PDK1: variants seen among roughly 807,000 people sequenced by gnomAD.
PDK1 encodes the protein pyruvate dehydrogenase kinase 1, also known as [Pyruvate dehydrogenase (acetyl-transferring)] kinase isozyme 1, mitochondrial.
PDK1 carries 39 observed loss-of-function variants against 54.2 expected under a neutral mutation model. The ratio of observed to expected loss-of-function variants is 0.72; its 90% CI spans 0.56 to 0.94. The LOEUF is 0.94. Among genes scored for constraint, PDK1 ranks in the 40% least tolerant of loss-of-function variants. PDK1 has a pLI of 0.00. For missense variants in PDK1, 552 were observed against 566.0 expected (o/e 0.98, Z 0.25); for synonymous variants, 221 against 207.1 (o/e 1.07, Z -0.58).
chr2:172,618,455 G>T, the PDK1 span, among the ~76,000 whole-genome samples: 3 of 152,184 alleles, frequency 2.0e-5, no homozygotes, highest in Non-Finnish European at 2.9e-5. Context: ...TTCCTACTTT[G>T]CTTCACTTTA....
At chr2:172,611,065 C>T (rs1691445532), downstream of PDK1, among the ~76,000 whole-genome samples, 1 of 152,070 alleles carries the variant, frequency 6.6e-6, no homozygotes, top group South Asian at 2.1e-4. Flanking sequence ...TTGTGTGGAT[C>T]TTGGGGTTTT....
the PDK1 span, among the ~76,000 whole-genome samples, chr2:172,663,568 C>T: frequency 6.6e-6 from 1 of 151,678 alleles, no homozygotes; most frequent in Admixed American, 6.6e-5. Context: ...CTCCCAGGCT[C>T]AAGCGATCCT....
the PDK1 span, chr2:172,691,180 A>G: frequency 5.3e-5 from 8 of 150,136 alleles, no homozygotes; most frequent in Non-Finnish European, 8.9e-5. Flanking sequence ...AGGGATTTCC[A>G]ATATGCTTTC....
chr2:172,653,024 G>A, the PDK1 span, among the ~76,000 whole-genome samples: 1 of 152,120 alleles, frequency 6.6e-6, no homozygotes, highest in East Asian at 1.9e-4. Context: ...ACAATCCTAA[G>A]CCAAAAGAAC....
Position 172,568,107 on chromosome 2 carries a change from G to C in PDK1, c.770-634G>C, listed in dbSNP as rs142034088. 2.1e-3 allele frequency among the ~76,000 whole-genome samples: 319 copies of C among 152,162 alleles called. 1 individual carries two copies. Among genetic ancestry groups the C allele is most frequent in the African/African-American group, 7.3e-3 (303 of 41,524 alleles). ...CCAGCACTTTGGGAGGCCGAGGCGG[G>C]TGGCTCACAAGGTCAGGAGTTCGAG... On this transcript the variant is annotated intron_variant, in intron 6 of 10. Transcript: ENST00000282077.
intron 3 of PDK1, among the ~76,000 whole-genome samples, chr2:172,562,539 T>G (rs1288787560): frequency 6.6e-6 from 1 of 152,254 alleles, no homozygotes; most frequent in Non-Finnish European, 1.5e-5. Flanking sequence ...CAGTGCCAGT[T>G]GGACTGTTCA....
the PDK1 span, among the ~76,000 whole-genome samples, chr2:172,682,266 G>A: frequency 1.2e-4 from 18 of 152,364 alleles, no homozygotes; most frequent in East Asian, 3.5e-3. Context: ...AGAGCAGGGG[G>A]AGAATAGGAG....
chr2:172,621,008 G>A, the PDK1 span, among the ~76,000 whole-genome samples: 10 of 152,160 alleles, frequency 6.6e-5, no homozygotes, highest in Non-Finnish European at 1.3e-4. Flanking sequence ...GGCTGGGCAC[G>A]GTGGCTCACT....
At chr2:172,566,730 T>A in intron 5 of PDK1, 126 bp from the exon 6 acceptor site, 16 of 354,536 alleles carry the variant, frequency 4.5e-5, no homozygotes, top group Non-Finnish European at 6.1e-5. Context: ...TTCACCAAAC[T>A]ATCAAAGTAT....
At chr2:172,581,677 G>A (rs1249570528) in intron 8 of PDK1, among the ~76,000 whole-genome samples, 7 of 152,034 alleles carry the variant, frequency 4.6e-5, no homozygotes, top group Admixed American at 3.9e-4. Context: ...TTCTTCAGTC[G>A]AGCTTTGATC....
At position 172,608,068 on chromosome 2, in the gene PDK1, C is replaced by T. The variant is rs1277405193; in HGVS notation, c.*12099C>T. ...GTTAATACTTGACTGACATTGAGAC[C>T]CTTGATGCAAAAAGGTAAGTAGAAG... On this transcript the variant is annotated 3_prime_UTR_variant, in exon 11 of 11. Coordinates refer to ENST00000282077, the MANE Select transcript of PDK1 (RefSeq NM_002610.5). 4 of 151,712 alleles carry T rather than the reference C, an allele frequency of 2.6e-5. No homozygotes were observed. Among genetic ancestry groups the T allele is most frequent in the African/African-American group, 9.7e-5 (4 of 41,298 alleles). 9.4% of individuals were successfully genotyped at this position (151,712 alleles called of 1,614,324 possible). A position where few individuals can be genotyped will look rare whatever the true frequency, so the allele number is the denominator to read the frequency against.
intron 9 of PDK1, 143 bp downstream of exon 9, chr2:172,586,531 T>C: frequency 5.7e-6 from 3 of 523,380 alleles, no homozygotes; most frequent in South Asian, 5.1e-5. Flanking sequence ...TTCCCCTAAA[T>C]TTAAACAGCC....
the PDK1 span, among the ~76,000 whole-genome samples, chr2:172,671,645 A>G: frequency 6.6e-6 from 1 of 151,804 alleles, no homozygotes; most frequent in Non-Finnish European, 1.5e-5. Flanking sequence ...ACTATTCTTG[A>G]TATAGCACAC....
At chr2:172,702,085 A>G in the PDK1 span, among the ~76,000 whole-genome samples, 1 of 152,188 alleles carries the variant, frequency 6.6e-6, no homozygotes, top group Non-Finnish European at 1.5e-5. Context: ...ATACAAGTGA[A>G]TTTGATTTAA....
In PDK1 at chr2:172,604,793, T is replaced by C. The variant is rs1211409592; in HGVS notation, c.*8824T>C. On this transcript the variant is annotated 3_prime_UTR_variant, in exon 11 of 11. Transcript: ENST00000282077. ...CAGTCCAGGGCTGCTTGAGTGTTAC[T>C]GTTTTGTGCCACAATATGATGTGGC... 6.6e-6 allele frequency: 1 copy of C among 152,286 alleles called. No individual in the cohort carries two copies. The highest frequency in any genetic ancestry group is 1.9e-4 in the East Asian group (1 of 5,208). 9.4% of individuals were successfully genotyped at this position (152,286 alleles called of 1,614,324 possible).
At chr2:172,559,212 G>T (rs957357249) in intron 2 of PDK1, among the ~76,000 whole-genome samples, 8 of 152,166 alleles carry the variant, frequency 5.3e-5, no homozygotes, top group African/African-American at 1.9e-4. Context: ...CTCCCAAAGT[G>T]CTGGGATTAC....
At chr2:172,573,463 C>G (rs962233478) in intron 8 of PDK1, among the ~76,000 whole-genome samples, 1 of 151,624 alleles carries the variant, frequency 6.6e-6, no homozygotes, top group African/African-American at 2.4e-5. Context: ...ACGGTTCTCT[C>G]TCATGTATAT....
intron 2 of PDK1, among the ~76,000 whole-genome samples, chr2:172,560,696 TTC>T (rs1217450780): frequency 6.6e-6 from 1 of 152,244 alleles, no homozygotes; most frequent in Non-Finnish European, 1.5e-5. Context: ...ATGTTTATTT[TTC>T]TGTTTTAAAA....
intron 7 of PDK1, among the ~76,000 whole-genome samples, chr2:172,569,087 C>T (rs534972662): frequency 3.9e-5 from 6 of 152,312 alleles, no homozygotes; most frequent in Non-Finnish European, 8.8e-5. Context: ...CACTCAACCT[C>T]TCTGAGCCTC....
Sources: allele counts gnomAD v4.1 joint callset (sites outside exome capture counted in the v4.1 genomes callset), GRCh38; gene constraint gnomAD v4.1.1; transcripts MANE v1.5; gene names NCBI Gene and HGNC (gene_info 2026-07-23, HGNC 2026-07-21).